The following CTNNA3 variants were observed in gnomAD, a reference collection of about 807,000 sequenced individuals.
CTNNA3 encodes catenin alpha 3.
Under a neutral mutation model 95.7 loss-of-function variants are expected in CTNNA3, and 76 were observed. The ratio of observed to expected loss-of-function variants is 0.79; its 90% CI spans 0.66 to 0.96. The LOEUF (loss-of-function observed/expected upper bound fraction) is 0.96, where lower values mean the gene tolerates loss of function less well. Ranked by LOEUF, CTNNA3 falls within the 40% of genes least tolerant of loss-of-function variation. CTNNA3 has a pLI of 0.00. For missense variants in CTNNA3, 1,191 were observed against 1,089.8 expected (o/e 1.09, Z -1.31); for synonymous variants, 431 against 374.4 (o/e 1.15, Z -1.74).
At chr10:67,469,704 T>A (rs757910799) in intron 5 of CTNNA3, among the ~76,000 whole-genome samples, 1 of 152,018 alleles carries the variant, frequency 6.6e-6, no homozygotes, top group Middle Eastern at 3.2e-3. Context: ...CACATGTATA[T>A]CTATGTAATA....
intron 7 of CTNNA3, among the ~76,000 whole-genome samples, chr10:66,905,838 A>G (rs1282471287): frequency 6.6e-6 from 1 of 152,128 alleles, no homozygotes; most frequent in Non-Finnish European, 1.5e-5. Context: ...GGTGAGGAGG[A>G]AAGAGAAAAT....
At chr10:67,288,654 A>G (rs919935454) in intron 5 of CTNNA3, among the ~76,000 whole-genome samples, 1 of 152,214 alleles carries the variant, frequency 6.6e-6, no homozygotes, top group Non-Finnish European at 1.5e-5. Flanking sequence ...ATAAACTGCA[A>G]AAAATCAAAA....
intron 1 of CTNNA3, among the ~76,000 whole-genome samples, chr10:67,693,839 A>C (rs1461203266): frequency 6.6e-6 from 1 of 152,164 alleles, no homozygotes; most frequent in African/African-American, 2.4e-5. Context: ...CTCAACAATG[A>C]CAGAATTAAA....
chr10:66,223,142 C>G (rs1022961391), intron 13 of CTNNA3, among the ~76,000 whole-genome samples: 1 of 151,968 alleles, frequency 6.6e-6, no homozygotes, highest in Non-Finnish European at 1.5e-5. Context: ...CCCTGAAATG[C>G]ATCTTTTGGA....
chr10:67,508,711 G>A (rs1185777217), intron 5 of CTNNA3, among the ~76,000 whole-genome samples: 1 of 151,938 alleles, frequency 6.6e-6, no homozygotes, highest in Non-Finnish European at 1.5e-5. Flanking sequence ...TCAACAAAAT[G>A]AAATAGTAAC....
At chr10:67,686,714 C>A (rs879516238) in intron 1 of CTNNA3, among the ~76,000 whole-genome samples, 1 of 152,122 alleles carries the variant, frequency 6.6e-6, no homozygotes, top group Admixed American at 6.6e-5. Context: ...GCTACTATAT[C>A]AATTTCCTTA....
chr10:67,455,987 C>T (rs572609261), intron 5 of CTNNA3, among the ~76,000 whole-genome samples: 58 of 152,194 alleles, frequency 3.8e-4, no homozygotes, highest in African/African-American at 1.4e-3. Flanking sequence ...GAAGAAACTG[C>T]AAGAAAGGTA....
At chr10:65,961,500 T>C (rs1040358781) in intron 17 of CTNNA3, among the ~76,000 whole-genome samples, 4 of 152,136 alleles carry the variant, frequency 2.6e-5, no homozygotes, top group Non-Finnish European at 5.9e-5. Context: ...AAGGACTTTA[T>C]AGTCTAGAGG....
chr10:66,093,067 G>A (rs2081270809), intron 14 of CTNNA3, among the ~76,000 whole-genome samples: 1 of 151,874 alleles, frequency 6.6e-6, no homozygotes, highest in Non-Finnish European at 1.5e-5. Context: ...TGATAAGTAA[G>A]AGCATATTAA....
At chr10:67,526,758 T>C (rs1840157514) in intron 4 of CTNNA3, among the ~76,000 whole-genome samples, 1 of 152,236 alleles carries the variant, frequency 6.6e-6, no homozygotes. Flanking sequence ...TACTGCTTTA[T>C]AAACTTAAAA....
At chr10:66,848,528 C>G (rs1006412448) in intron 7 of CTNNA3, among the ~76,000 whole-genome samples, 1 of 152,056 alleles carries the variant, frequency 6.6e-6, no homozygotes, top group African/African-American at 2.4e-5. Context: ...TGGAAATATC[C>G]CAAACTCTCC....
intron 11 of CTNNA3, among the ~76,000 whole-genome samples, chr10:66,415,242 C>A (rs1411048321): frequency 6.6e-6 from 1 of 152,090 alleles, no homozygotes; most frequent in African/African-American, 2.4e-5. Flanking sequence ...GCATACAGTC[C>A]AGGGGCCAGG....
chr10:66,051,821 A>G, intron 15 of CTNNA3, among the ~76,000 whole-genome samples: 1 of 152,188 alleles, frequency 6.6e-6, no homozygotes, highest in Admixed American at 6.6e-5. Flanking sequence ...TGTGGGATAT[A>G]AGAAATATTC....
chr10:67,358,227 G>T (rs943059566), intron 5 of CTNNA3, among the ~76,000 whole-genome samples: 5 of 152,064 alleles, frequency 3.3e-5, no homozygotes, highest in African/African-American at 1.2e-4. Context: ...GTCTGGCAAA[G>T]ATATTTTAAG....
intron 3 of CTNNA3, among the ~76,000 whole-genome samples, chr10:67,559,603 A>G (rs1841407796): frequency 6.6e-6 from 1 of 152,226 alleles, no homozygotes; most frequent in Admixed American, 6.5e-5. Flanking sequence ...CCAAAGGAAC[A>G]CAGCTCCTCA....
intron 14 of CTNNA3, among the ~76,000 whole-genome samples, chr10:66,083,248 A>G (rs1241196707): frequency 6.6e-6 from 1 of 152,194 alleles, no homozygotes; most frequent in Non-Finnish European, 1.5e-5. Flanking sequence ...TCTTAATACT[A>G]GAATAACATC....
chr10:66,427,891 C>A (rs2093256746), intron 11 of CTNNA3, among the ~76,000 whole-genome samples: 1 of 152,068 alleles, frequency 6.6e-6, no homozygotes, highest in Non-Finnish European at 1.5e-5. Flanking sequence ...GGATCAAATT[C>A]ACACATAACA....
At chr10:67,330,862 C>T (rs954521352) in intron 5 of CTNNA3, among the ~76,000 whole-genome samples, 8 of 152,134 alleles carry the variant, frequency 5.3e-5, no homozygotes, top group African/African-American at 1.9e-4. Context: ...AAAGCAATTA[C>T]GGCAATTTGT....
intron 15 of CTNNA3, among the ~76,000 whole-genome samples, chr10:66,011,526 G>C (rs2079004415): frequency 6.6e-6 from 1 of 151,952 alleles, no homozygotes; most frequent in Admixed American, 6.6e-5. Context: ...CACATATATT[G>C]CATTTTTTAT....
Sources: gnomAD v4.1 joint callset for allele counts (sites outside exome capture counted in the v4.1 genomes callset) on GRCh38, gnomAD v4.1.1 for gene constraint, MANE v1.5 for transcripts, NCBI Gene and HGNC (gene_info 2026-07-23, HGNC 2026-07-21) for gene names.